The following FAM222B variants were observed in gnomAD, a reference collection of about 807,000 sequenced individuals.
FAM222B encodes the protein family with sequence similarity 222 member B, also known as protein FAM222B.
In FAM222B, 12 loss-of-function variants were observed where a neutral mutation model predicts 38.0. That is an observed-to-expected ratio of 0.32 (90% CI 0.20 to 0.51). FAM222B has a LOEUF of 0.51. Among genes scored for constraint, FAM222B ranks in the 20% least tolerant of loss-of-function variants. The pLI is 0.97. For missense variants in FAM222B, 716 were observed against 754.2 expected (o/e 0.95, Z 0.59); for synonymous variants, 329 against 317.2 (o/e 1.04, Z -0.40).
intron 1 of FAM222B, among the ~76,000 whole-genome samples, chr17:28,820,072 T>A (rs1174952973): frequency 6.6e-6 from 1 of 152,186 alleles, no homozygotes; most frequent in Non-Finnish European, 1.5e-5. Context: ...TCATGTTACT[T>A]TGTTCTAAAA....
chr17:28,798,697 C>T (rs1252040143), intron 1 of FAM222B, among the ~76,000 whole-genome samples: 5 of 150,788 alleles, frequency 3.3e-5, no homozygotes, highest in East Asian at 3.9e-4. Flanking sequence ...TGCAGTGGCG[C>T]GATCTCGGCT....
rs561441690 is a variant in FAM222B at position 28,801,603 on chromosome 17, CTATTAT to C, written c.-40-34902_-40-34897del. Among the ~76,000 whole-genome samples, 367 of 151,934 alleles carry C rather than the reference CTATTAT, an allele frequency of 2.4e-3. 3 individuals are homozygous for C. The highest frequency in any genetic ancestry group is 7.8e-3 in the African/African-American group (324 of 41,452). On this transcript the variant is annotated intron_variant, in intron 1 of 2. Coordinates refer to ENST00000581407, the MANE Select transcript of FAM222B (RefSeq NM_001077498.3). ...TCACGCCTGTAATCCCAGCACTTTA[CTATTAT>C]TATTATTATTATTGTTGTTCTTCTT... is the stretch of plus-strand genomic sequence containing the variant.
rs1202217707 is a variant in FAM222B, at chr17:28,758,961, G to A, written c.998C>T (p.Ala333Val). The A allele has an allele frequency of 6.2e-7, 1 of 1,610,870 alleles. No individual in the cohort carries two copies. The highest frequency in any genetic ancestry group is 1.1e-5 in the South Asian group (1 of 90,426). ...ACCTGCAGCAGGCAACGCGGCGGTGGCCGCGTGGGTGTGCTCCATGGGATT... is the reference window on the plus strand; with the variant it reads ...ACCTGCAGCAGGCAACGCGGCGGTGACCGCGTGGGTGTGCTCCATGGGATT... ...VVNPMEHTHAATAALPAAGPV... is the reference protein window; with the variant it reads ...VVNPMEHTHAVTAALPAAGPV... The change falls in exon 3 of 3, where the codon GCC (alanine) becomes GTC (valine). Residue 333 changes from alanine to valine, a missense_variant. Transcript: ENST00000581407.
At chr17:28,788,404 A>G (rs141522682) in intron 1 of FAM222B, among the ~76,000 whole-genome samples, 242 of 151,996 alleles carry the variant, frequency 1.6e-3, no homozygotes, top group African/African-American at 5.3e-3. Context: ...GCATGTGGCT[A>G]ATTTTTTTGT....
intron 1 of FAM222B, chr17:28,848,871 CT>C (rs1432435721): frequency 6.6e-6 from 1 of 152,212 alleles, no homozygotes; most frequent in Non-Finnish European, 1.5e-5. Context: ...CCACCTTCCC[CT>C]CTCCCCTGGG....
chr17:28,842,254 G>A (rs1435473194), intron 1 of FAM222B, among the ~76,000 whole-genome samples: 2 of 151,988 alleles, frequency 1.3e-5, no homozygotes, highest in African/African-American at 2.4e-5. Context: ...TTCAAAAGAG[G>A]GTTCCCGACT....
intron 1 of FAM222B, among the ~76,000 whole-genome samples, chr17:28,835,008 C>A (rs934255114): frequency 1.5e-4 from 21 of 138,414 alleles, no homozygotes; most frequent in African/African-American, 5.4e-4. Context: ...GCGCCCACCA[C>A]TACACTCAGC....
intron 1 of FAM222B, among the ~76,000 whole-genome samples, chr17:28,829,524 C>T (rs900392196): frequency 1.3e-5 from 2 of 152,138 alleles, no homozygotes; most frequent in South Asian, 4.1e-4. Flanking sequence ...TCCCCACTGT[C>T]CTTATAGTTG....
intron 1 of FAM222B, 197 bp from the exon 2 acceptor site, chr17:28,766,904 G>C: frequency 2.0e-6 from 1 of 499,240 alleles, no homozygotes. Context: ...TGGTTAAAAT[G>C]ATTTTTCAGT....
chr17:28,821,568 G>A (rs2038220048), intron 1 of FAM222B, among the ~76,000 whole-genome samples: 1 of 152,058 alleles, frequency 6.6e-6, no homozygotes, highest in African/African-American at 2.4e-5. Context: ...ATAGACCAAG[G>A]GCCTAACCCT....
At chr17:28,812,140 C>T (rs1473879890) in intron 1 of FAM222B, 2 of 152,240 alleles carry the variant, frequency 1.3e-5, no homozygotes, top group Non-Finnish European at 2.9e-5. Context: ...TTTCCCGTTC[C>T]ATTTCCCCTT....
At chr17:28,822,034 CAT>C (rs1263442361) in intron 1 of FAM222B, among the ~76,000 whole-genome samples, 1 of 151,582 alleles carries the variant, frequency 6.6e-6, no homozygotes, top group Non-Finnish European at 1.5e-5. Flanking sequence ...AACAAAAATA[CAT>C]AGTCAGGCTG....
At chr17:28,828,789 T>C (rs972854182) in intron 1 of FAM222B, among the ~76,000 whole-genome samples, 1 of 152,150 alleles carries the variant, frequency 6.6e-6, no homozygotes, top group East Asian at 1.9e-4. Flanking sequence ...ATTGTTCAGT[T>C]CTAAGAGTTC....
At chr17:28,817,464 C>T (rs1598009300) in intron 1 of FAM222B, among the ~76,000 whole-genome samples, 1 of 151,932 alleles carries the variant, frequency 6.6e-6, no homozygotes, top group East Asian at 1.9e-4. Context: ...AGGCTCACGC[C>T]TGTAATCCCA....
chr17:28,847,215 T>C (rs147286855), upstream of FAM222B, among the ~76,000 whole-genome samples: 442 of 150,578 alleles, frequency 2.9e-3, 3 homozygotes, highest in Middle Eastern at 6.9e-3. Flanking sequence ...AGAGACTCCG[T>C]CTCAAAAGAA....
intron 1 of FAM222B, among the ~76,000 whole-genome samples, chr17:28,819,227 C>T (rs1454092963): frequency 1.3e-5 from 2 of 152,100 alleles, no homozygotes; most frequent in Non-Finnish European, 2.9e-5. Flanking sequence ...CAATAGCCTC[C>T]CTTCTCACTT....
At position 28,759,970 on chromosome 17, in the gene FAM222B, T is replaced by A. The variant is rs544156777; in HGVS notation, c.83-94A>T. 2.5e-6 allele frequency: 3 copies of A among 1,198,580 alleles called. No homozygotes were observed. Among genetic ancestry groups the A allele is most frequent in the Non-Finnish European group, 3.4e-6 (3 of 871,340 alleles). 74.2% of individuals were successfully genotyped at this position (1,198,580 alleles called of 1,614,324 possible). On this transcript the variant is annotated intron_variant, in intron 2 of 2. Transcript: ENST00000581407. This position sits in a 1 kb window ranked among gnomAD's most constrained non-coding sequence, Gnocchi z 4.8. ...CTTCCAGATTCCCCTTTTGAGGGCC[T>A]GGGGTGGGGTGGGGAAATGACTAGA...
chr17:28,822,984 G>T (rs1019942011), intron 1 of FAM222B, among the ~76,000 whole-genome samples: 16 of 120,996 alleles, frequency 1.3e-4, no homozygotes, highest in African/African-American at 5.0e-4. Flanking sequence ...CTTGAACTCG[G>T]GGCAGAGGTT....
intron 1 of FAM222B, among the ~76,000 whole-genome samples, chr17:28,826,695 A>AG (rs2038453041): frequency 6.6e-6 from 1 of 151,964 alleles, no homozygotes; most frequent in South Asian, 2.1e-4. Context: ...AAAAAAAAAA[A>AG]AAAAAAAATC....
Sources: gnomAD v4.1 joint callset for allele counts (sites outside exome capture counted in the v4.1 genomes callset) on GRCh38, gnomAD v4.1.1 for gene constraint, Gnocchi (gnomAD v3.1) non-coding constraint, MANE v1.5 for transcripts, NCBI Gene and HGNC (gene_info 2026-07-23, HGNC 2026-07-21) for gene names.